The following LINGO2 variants were observed in gnomAD, a reference collection of about 807,000 sequenced individuals.
The protein encoded by LINGO2 is leucine-rich repeat and immunoglobulin-like domain-containing nogo receptor-interacting protein 2.
LINGO2 carries 14 observed loss-of-function variants against 30.6 expected under a neutral mutation model. The observed-to-expected ratio is 0.46, with a 90% confidence interval of 0.30 to 0.72. The LOEUF (loss-of-function observed/expected upper bound fraction) is 0.72, where lower values mean the gene tolerates loss of function less well. Ranked by LOEUF, LINGO2 falls within the 30% of genes least tolerant of loss-of-function variation. The pLI is 0.07. For missense variants in LINGO2, 729 were observed against 751.7 expected (o/e 0.97, Z 0.35); for synonymous variants, 317 against 288.5 (o/e 1.10, Z -1.00).
At chr9:28,187,365 C>T (rs1026883153) in intron 4 of LINGO2, among the ~76,000 whole-genome samples, 10 of 151,900 alleles carry the variant, frequency 6.6e-5, no homozygotes, top group African/African-American at 2.4e-4. Flanking sequence ...TCGCAAGGGC[C>T]TGTATTCAAA....
chr9:28,751,104 A>C, the LINGO2 span, among the ~76,000 whole-genome samples: 1 of 151,752 alleles, frequency 6.6e-6, no homozygotes, highest in African/African-American at 2.4e-5. Context: ...ATCTCTACAA[A>C]AATAAAAAAT....
chr9:28,671,015 T>G (rs1050632838), upstream of LINGO2, among the ~76,000 whole-genome samples: 2 of 152,144 alleles, frequency 1.3e-5, no homozygotes, highest in African/African-American at 4.8e-5. Context: ...ATCTACTTGA[T>G]AAAAGAGAAT....
the LINGO2 span, among the ~76,000 whole-genome samples, chr9:29,105,973 C>T: frequency 6.6e-6 from 1 of 152,174 alleles, no homozygotes; most frequent in Non-Finnish European, 1.5e-5. Context: ...CACATACAAA[C>T]TGACAGCTTT....
intron 3 of LINGO2, among the ~76,000 whole-genome samples, chr9:28,348,966 C>G: frequency 6.7e-6 from 1 of 150,248 alleles, no homozygotes; most frequent in Non-Finnish European, 1.5e-5. Flanking sequence ...AACTAACAAA[C>G]AGAAAGGACA....
chr9:28,174,900 G>C lies in LINGO2; in HGVS notation c.-87+120308C>G, dbSNP rs62560760. 1.6e-3 allele frequency among the ~76,000 whole-genome samples: 122 copies of C among 78,010 alleles called. No homozygotes were observed. In the East Asian group the frequency reaches 0.016, roughly 10 times the overall value. The allele number at this position is 78,010 out of a possible 152,430, so 51.2% of individuals were successfully genotyped here. A position where few individuals can be genotyped will look rare whatever the true frequency, so the allele number is the denominator to read the frequency against. The stretch of plus-strand genomic sequence containing the variant: ...AGAGAGAAAGAGAATTTGTGTCTCT[G>C]TGTGTGTGTGTGTGTGTGTGTGAGA... On this transcript the variant is annotated intron_variant, in intron 4 of 5. Coordinates refer to ENST00000379992, the Ensembl canonical transcript of LINGO2.
chr9:28,171,055 C>A (rs1003924845), intron 4 of LINGO2, among the ~76,000 whole-genome samples: 8 of 152,198 alleles, frequency 5.3e-5, no homozygotes, highest in African/African-American at 1.9e-4. Flanking sequence ...AGTAGATATT[C>A]AATGTAAGTT....
chr9:27,948,043 A>G (rs1587503260), downstream of LINGO2: 3 of 152,230 alleles, frequency 2.0e-5, no homozygotes, highest in East Asian at 1.9e-4. Flanking sequence ...AAACTGGTCC[A>G]GTGTGATATT....
At chr9:28,599,987 T>C (rs971435106) in intron 1 of LINGO2, among the ~76,000 whole-genome samples, 1 of 152,134 alleles carries the variant, frequency 6.6e-6, no homozygotes, top group Non-Finnish European at 1.5e-5. Context: ...CTCATTTATT[T>C]ACAATAAATT....
rs1452349 is a variant in LINGO2 at position 28,188,689 on chromosome 9, T to C, written c.-87+106519A>G. 5.9e-3 allele frequency among the ~76,000 whole-genome samples: 901 copies of C among 152,178 alleles called. 15 individuals are homozygous for C. Among genetic ancestry groups the C allele is most frequent in the African/African-American group, 0.02 (849 of 41,532 alleles). ...TGTTTTCTATAGACAATGTTTGGAGTATGGTGACAAGCCAAGGAAAATGCA... is the reference window on the plus strand; with the variant it reads ...TGTTTTCTATAGACAATGTTTGGAGCATGGTGACAAGCCAAGGAAAATGCA... On this transcript the variant is annotated intron_variant, in intron 4 of 5. Coordinates refer to ENST00000379992, the Ensembl canonical transcript of LINGO2.
At chr9:29,175,331 A>G in the LINGO2 span, among the ~76,000 whole-genome samples, 4 of 152,144 alleles carry the variant, frequency 2.6e-5, no homozygotes, top group East Asian at 7.7e-4. Flanking sequence ...ACTATTTTAT[A>G]TTATCCTTTG....
At chr9:28,758,962 T>G in the LINGO2 span, among the ~76,000 whole-genome samples, 2 of 152,110 alleles carry the variant, frequency 1.3e-5, no homozygotes, top group Non-Finnish European at 2.9e-5. Context: ...CTTTACTTCA[T>G]GTTTGTTATC....
At chr9:28,900,693 A>C in the LINGO2 span, among the ~76,000 whole-genome samples, 1 of 152,206 alleles carries the variant, frequency 6.6e-6, no homozygotes, top group Non-Finnish European at 1.5e-5. Context: ...TTCCCAGACA[A>C]AGCCAGTCTG....
chr9:28,729,247 G>T, the LINGO2 span, among the ~76,000 whole-genome samples: 2 of 152,050 alleles, frequency 1.3e-5, no homozygotes, highest in Admixed American at 6.6e-5. Flanking sequence ...TGATTTTATA[G>T]CTCTTCCAAC....
At chr9:28,109,742 A>T (rs1826715046) in intron 4 of LINGO2, among the ~76,000 whole-genome samples, 1 of 152,248 alleles carries the variant, frequency 6.6e-6, no homozygotes, top group Non-Finnish European at 1.5e-5. Context: ...GAAATAAGAG[A>T]GGACACAAAC....
At chr9:28,034,365 C>T (rs1396123663) in intron 4 of LINGO2, among the ~76,000 whole-genome samples, 1 of 152,116 alleles carries the variant, frequency 6.6e-6, no homozygotes, top group East Asian at 1.9e-4. Context: ...CCGAGAAGCC[C>T]GTTCTATTTA....
At chr9:28,937,363 T>A in the LINGO2 span, among the ~76,000 whole-genome samples, 1 of 152,328 alleles carries the variant, frequency 6.6e-6, no homozygotes, top group Non-Finnish European at 1.5e-5. Context: ...ACAAGGTATG[T>A]GCTTCCAGAA....
intron 4 of LINGO2, among the ~76,000 whole-genome samples, chr9:28,054,800 T>A (rs1427243967): frequency 6.6e-6 from 1 of 151,652 alleles, no homozygotes; most frequent in African/African-American, 2.4e-5. Flanking sequence ...AATTTTTAAT[T>A]TTCAATATTT....
the LINGO2 span, among the ~76,000 whole-genome samples, chr9:29,081,515 C>G: frequency 6.6e-6 from 1 of 152,072 alleles, no homozygotes; most frequent in African/African-American, 2.4e-5. Context: ...TCTTTGAAAA[C>G]TGGCACAAGA....
chr9:28,877,792 G>C, the LINGO2 span, among the ~76,000 whole-genome samples: 8 of 152,142 alleles, frequency 5.3e-5, no homozygotes, highest in East Asian at 5.8e-4. Flanking sequence ...TGTGAAGAAA[G>C]TCATTGGTAG....
Sources: allele counts gnomAD v4.1 joint callset (sites outside exome capture counted in the v4.1 genomes callset), GRCh38; gene constraint gnomAD v4.1.1; transcripts MANE v1.5; gene names NCBI Gene and HGNC (gene_info 2026-07-23, HGNC 2026-07-21).